The following REPS1 variants were observed in gnomAD, a reference collection of about 807,000 sequenced individuals.
REPS1 encodes ralBP1-associated Eps domain-containing protein 1.
In REPS1, 39 loss-of-function variants were observed where a neutral mutation model predicts 100.9. The ratio of observed to expected loss-of-function variants is 0.39; its 90% CI spans 0.30 to 0.50. The LOEUF (loss-of-function observed/expected upper bound fraction) is 0.50. Ranked by LOEUF, REPS1 falls within the 20% of genes least tolerant of loss-of-function variation. The pLI, the probability that REPS1 is intolerant of heterozygous loss-of-function variation, is 0.86. For missense variants in REPS1, 821 were observed against 968.5 expected (o/e 0.85, Z 2.02); for synonymous variants, 324 against 340.3 (o/e 0.95, Z 0.53).
intron 1 of REPS1, among the ~76,000 whole-genome samples, chr6:138,963,831 CTTCAT>C (rs1240573987): frequency 6.6e-6 from 1 of 152,172 alleles, no homozygotes; most frequent in Non-Finnish European, 1.5e-5. Flanking sequence ...ACAAAAACAA[CTTCAT>C]TTCAATACTT....
At chr6:138,909,375 A>G (rs1244976815) in intron 17 of REPS1, among the ~76,000 whole-genome samples, 1 of 152,242 alleles carries the variant, frequency 6.6e-6, no homozygotes, top group East Asian at 1.9e-4. Flanking sequence ...TTTGGCATTT[A>G]CCATAACTTG....
At chr6:138,927,542 T>G (rs1403037557) in intron 9 of REPS1, 1 of 152,066 alleles carries the variant, frequency 6.6e-6, no homozygotes, top group East Asian at 1.9e-4. Context: ...TAAACCAAAA[T>G]CCTCTTTGGG....
At chr6:138,937,331 A>G (rs1781914682) in intron 8 of REPS1, among the ~76,000 whole-genome samples, 2 of 152,242 alleles carry the variant, frequency 1.3e-5, no homozygotes. Flanking sequence ...GATGTATAGT[A>G]TGATTGCGTC....
chr6:138,945,996 G>C lies in REPS1; in HGVS notation c.278-299C>G, dbSNP rs75553489. On this transcript the variant is annotated intron_variant, in intron 2 of 19. Transcript: ENST00000450536. ...TGCCACTGAATATTTATTTCACCTCGTAACCACAGTACCCCTGCAAAGCTC... is the reference window on the plus strand; with the variant it reads ...TGCCACTGAATATTTATTTCACCTCCTAACCACAGTACCCCTGCAAAGCTC... Among the ~76,000 whole-genome samples the C allele has an allele frequency of 4.1e-3, 617 of 152,100 alleles. 6 individuals are homozygous for C. The highest frequency in any genetic ancestry group is 0.014 in the African/African-American group (572 of 41,486).
At position 138,915,851 on chromosome 6, in the gene REPS1, C is replaced by A; in HGVS notation, c.1720+7G>T. ...GATAATGTATATTATGGTTCTCTAGCCCCTACCTGTGGTGACTGTAAAGGT... is the reference window on the plus strand; with the variant it reads ...GATAATGTATATTATGGTTCTCTAGACCCTACCTGTGGTGACTGTAAAGGT... On this transcript the variant is annotated splice_region_variant and intron_variant, in intron 14 of 19. Transcript: ENST00000450536. The A allele has an allele frequency of 6.4e-7, 1 of 1,552,564 alleles. No individual in the cohort carries two copies. The highest frequency in any genetic ancestry group is 8.9e-7 in the Non-Finnish European group (1 of 1,124,360).
intron 1 of REPS1, among the ~76,000 whole-genome samples, chr6:138,962,294 T>C (rs955776377): frequency 6.6e-6 from 1 of 152,130 alleles, no homozygotes; most frequent in Non-Finnish European, 1.5e-5. Flanking sequence ...CATTATTATA[T>C]ATTAACCTCC....
At chr6:138,931,599 C>T (rs1224763082) in intron 8 of REPS1, among the ~76,000 whole-genome samples, 19 of 152,056 alleles carry the variant, frequency 1.2e-4, no homozygotes, top group Non-Finnish European at 1.5e-5. Context: ...TTATTTCTTT[C>T]TTAAGTCCTA....
At chr6:138,928,343 GT>G (rs1045567519) in intron 9 of REPS1, 25 of 152,188 alleles carry the variant, frequency 1.6e-4, no homozygotes, top group Non-Finnish European at 2.4e-4. Context: ...GTAACCACAG[GT>G]GCTAAATAAA....
At chr6:138,938,481 G>A (rs577177434) in intron 8 of REPS1, among the ~76,000 whole-genome samples, 3 of 152,206 alleles carry the variant, frequency 2.0e-5, no homozygotes, top group South Asian at 2.1e-4. Flanking sequence ...GTAGAAAAAC[G>A]TCAAGAAAAA....
intron 1 of REPS1, among the ~76,000 whole-genome samples, chr6:138,965,584 A>C (rs539066640): frequency 2.0e-5 from 3 of 152,312 alleles, no homozygotes; most frequent in South Asian, 2.1e-4. Flanking sequence ...AAACTGAGAC[A>C]TGTGTAGAGT....
At chr6:138,923,014 C>T (rs959262030) in intron 10 of REPS1, among the ~76,000 whole-genome samples, 1 of 150,818 alleles carries the variant, frequency 6.6e-6, no homozygotes, top group African/African-American at 2.5e-5. Context: ...CTTGCCCCTA[C>T]ACCACAGAGA....
intron 10 of REPS1, among the ~76,000 whole-genome samples, chr6:138,925,190 TAC>T (rs3070143): frequency 0.36 from 52,646 of 147,894 alleles, 10,880 homozygotes; most frequent in Admixed American, 0.5. Flanking sequence ...TACTAAAAAA[TAC>T]ACACACACAC....
intron 1 of REPS1, among the ~76,000 whole-genome samples, chr6:138,986,994 T>C (rs1785296413): frequency 6.6e-6 from 1 of 152,206 alleles, no homozygotes; most frequent in Non-Finnish European, 1.5e-5. Context: ...CTTGTATGCC[T>C]ACTTGTAAAA....
At chr6:138,930,289 T>A (rs1781409346) in intron 8 of REPS1, among the ~76,000 whole-genome samples, 191 bp from the exon 9 acceptor site, 1 of 152,188 alleles carries the variant, frequency 6.6e-6, no homozygotes, top group Non-Finnish European at 1.5e-5. Context: ...TATGGTCTAC[T>A]CAAAACCACA....
intron 1 of REPS1, among the ~76,000 whole-genome samples, chr6:138,955,045 A>T (rs1783283938): frequency 6.6e-6 from 1 of 152,230 alleles, no homozygotes; most frequent in East Asian, 1.9e-4. Flanking sequence ...ATGGATATTT[A>T]GGTTTTCCCA....
intron 1 of REPS1, among the ~76,000 whole-genome samples, chr6:138,948,597 G>C (rs1468631742): frequency 1.3e-5 from 2 of 152,080 alleles, no homozygotes; most frequent in Non-Finnish European, 2.9e-5. Context: ...GTAAATATTA[G>C]ACTCAAAAAA....
intron 9 of REPS1, 111 bp from the exon 10 acceptor site, chr6:138,926,592 T>C (rs552377925): frequency 3.1e-5 from 22 of 703,230 alleles, no homozygotes; most frequent in East Asian, 1.6e-4. Context: ...TTGTGTTTCA[T>C]AGGTTTAACA....
At chr6:138,937,558 G>C (rs1197096599) in intron 8 of REPS1, among the ~76,000 whole-genome samples, 1 of 152,152 alleles carries the variant, frequency 6.6e-6, no homozygotes, top group Non-Finnish European at 1.5e-5. Context: ...CTCAGAGTTT[G>C]TAGATCCATG....
At chr6:138,985,666 C>T (rs1424880977) in intron 1 of REPS1, among the ~76,000 whole-genome samples, 1 of 152,118 alleles carries the variant, frequency 6.6e-6, no homozygotes, top group Non-Finnish European at 1.5e-5. Context: ...TGTAACTGAA[C>T]CCTGAATATT....
Sources: gnomAD v4.1 joint callset for allele counts (sites outside exome capture counted in the v4.1 genomes callset) on GRCh38, gnomAD v4.1.1 for gene constraint, MANE v1.5 for transcripts, NCBI Gene and HGNC (gene_info 2026-07-23, HGNC 2026-07-21) for gene names.